The following FANCI variants were observed in gnomAD, a reference collection of about 807,000 sequenced individuals.
FANCI encodes the protein Fanconi anemia group I protein.
Under a neutral mutation model 176.1 loss-of-function variants are expected in FANCI, and 156 were observed. The observed-to-expected ratio is 0.89, with a 90% CI of 0.78 to 1.01. The LOEUF is 1.01. Among genes scored for constraint, FANCI ranks in the 50% least tolerant of loss-of-function variants. FANCI has a pLI of 0.00. For missense variants in FANCI, 1,678 were observed against 1,534.1 expected (o/e 1.09, Z -1.57); for synonymous variants, 613 against 541.7 (o/e 1.13, Z -1.83).
At chr15:89,277,611 CAAAAAAAAAAA>C (rs554395033) in intron 13 of FANCI, among the ~76,000 whole-genome samples, 1 of 48,950 alleles carries the variant, frequency 2.0e-5, no homozygotes, top group Non-Finnish European at 5.3e-5. Context: ...GATCCTATCT[CAAAAAAAAAAA>C]AAAAAAAAAA....
At chr15:89,304,018 A>G (rs1339928121) in intron 28 of FANCI, 103 bp downstream of exon 28, 1 of 1,106,258 alleles carries the variant, frequency 9.0e-7, no homozygotes. Context: ...CACATTCACC[A>G]GAGTGGCCAA....
At position 89,316,934 on chromosome 15, in the gene FANCI, T is replaced by C. The variant is rs2055287817; in HGVS notation, c.*475T>C. 1 of 818,848 alleles carries C rather than the reference T, an allele frequency of 1.2e-6. No homozygotes were observed. 50.7% of individuals were successfully genotyped at this position (818,848 alleles called of 1,614,324 possible). On this transcript the variant is annotated 3_prime_UTR_variant, in exon 38 of 38. Coordinates refer to ENST00000310775, the MANE Select transcript of FANCI (RefSeq NM_001113378.2). The stretch of plus-strand genomic sequence containing the variant: ...CTAAGGTCAAAAGGAGAGTGAAAGG[T>C]TGAGAACAATTGCCACGAACGGTAA...
At chr15:89,253,375 A>G (rs1471061755) in intron 2 of FANCI, among the ~76,000 whole-genome samples, 1 of 152,066 alleles carries the variant, frequency 6.6e-6, no homozygotes, top group Non-Finnish European at 1.5e-5. Flanking sequence ...AGGGCTGGGC[A>G]CAGGGGCTTA....
chr15:89,263,600 C>A, intron 7 of FANCI, 140 bp downstream of exon 7: 1 of 847,140 alleles, frequency 1.2e-6, no homozygotes. Context: ...TACAGATTCA[C>A]AGATTCCCTC....
intron 14 of FANCI, among the ~76,000 whole-genome samples, chr15:89,280,169 G>A (rs868341882): frequency 1.8e-4 from 27 of 152,206 alleles, no homozygotes; most frequent in African/African-American, 6.0e-4. Context: ...CTGCAGGCAC[G>A]TGCCACCACA....
At chr15:89,280,525 G>T (rs912583638) in intron 14 of FANCI, among the ~76,000 whole-genome samples, 1 of 151,838 alleles carries the variant, frequency 6.6e-6, no homozygotes, top group African/African-American at 2.4e-5. Context: ...GGCCTTTCTG[G>T]TGCTTTGTGC....
Position 89,244,949 on chromosome 15 carries a change from C to T in FANCI, c.-20+916C>T, listed in dbSNP as rs117181991. ...ACAAACATTTGTTACCTAGTTTGAG[C>T]TAGGTACTGTGCTAAGTGCTGGAGA... On this transcript the variant is annotated intron_variant, in intron 1 of 37. Coordinates refer to ENST00000310775, the MANE Select transcript of FANCI (RefSeq NM_001113378.2). Among the ~76,000 whole-genome samples, 68 of 152,274 alleles carry T rather than the reference C, an allele frequency of 4.5e-4. 1 individual carries two copies. In the East Asian group the frequency reaches 0.012, roughly 28 times the overall value.
At chr15:89,258,934 G>A (rs987458283) in intron 3 of FANCI, 158 bp downstream of exon 3, 1 of 639,062 alleles carries the variant, frequency 1.6e-6, no homozygotes, top group Non-Finnish European at 2.8e-6. Flanking sequence ...CTGTCTAGTG[G>A]ACTTAAGTAA....
At chr15:89,287,060 G>A (rs1165236804) in intron 18 of FANCI, among the ~76,000 whole-genome samples, 3 of 134,258 alleles carry the variant, frequency 2.2e-5, no homozygotes, top group African/African-American at 5.5e-5. Flanking sequence ...TGCAACCTCC[G>A]CCACCCAGGT....
In FANCI at chr15:89,315,162, G is replaced by A. The variant is rs554839450; in HGVS notation, c.3817-120G>A. 9 of 764,858 alleles carry A rather than the reference G, an allele frequency of 1.2e-5. No homozygotes were observed. In the Admixed American group the frequency reaches 1.3e-4, roughly 11 times the overall value. 47.4% of individuals were successfully genotyped at this position (764,858 alleles called of 1,614,324 possible). On this transcript the variant is annotated intron_variant, in intron 36 of 37. Transcript: ENST00000310775. ...AACCCCAGCATACAGAAGGAAGTGGGTGCGTGCTTGCTTTAGGTAGAAATG... is the reference window on the plus strand; with the variant it reads ...AACCCCAGCATACAGAAGGAAGTGGATGCGTGCTTGCTTTAGGTAGAAATG...
chr15:89,305,591 C>G lies in FANCI; in HGVS notation c.3256-14C>G. 1 of 1,613,850 alleles carries G rather than the reference C, an allele frequency of 6.2e-7. No individual in the cohort carries two copies. Among genetic ancestry groups the G allele is most frequent in the Non-Finnish European group, 8.5e-7 (1 of 1,179,720 alleles). ...TGTGTGTAGTGAATCACACCAGGCA[C>G]TCTTTTCTTTCAGTTACTTGTTCTG... On this transcript the variant is annotated splice_polypyrimidine_tract_variant and intron_variant, in intron 30 of 37. Transcript: ENST00000310775.
intron 34 of FANCI, among the ~76,000 whole-genome samples, chr15:89,312,124 G>A (rs867956767): frequency 2.0e-5 from 3 of 152,120 alleles, no homozygotes; most frequent in African/African-American, 4.8e-5. Context: ...GCTGAGTAAC[G>A]AAAATAAAAT....
rs1217172250 is a variant in FANCI at position 89,298,908 on chromosome 15, A to G, written c.2637-892A>G. ...AACCTGGCCGGGCGTGGTAGCTCAC[A>G]TCTGTAATCCCAGCACTTTTGGGAG... On this transcript the variant is annotated intron_variant, in intron 24 of 37. Transcript: ENST00000310775. Among the ~76,000 whole-genome samples, 4 of 152,176 alleles carry G rather than the reference A, an allele frequency of 2.6e-5. No homozygotes were observed. In the East Asian group the frequency reaches 7.7e-4, roughly 29 times the overall value.
chr15:89,285,018 A>G, intron 17 of FANCI, 78 bp from the exon 18 acceptor site: 1 of 1,603,500 alleles, frequency 6.2e-7, no homozygotes, highest in Non-Finnish European at 8.5e-7. Context: ...TTTTTCGACC[A>G]AGAACATAGG....
rs1183239990 is a variant in FANCI, at chr15:89,278,767, T to C, written c.1374T>C (p.His458=). ...CCAGAGCATCTTCTCCCATCAGTCA[T>C]TTCTTAGGTATTCAACTTTGAAAGA... ...VVTRASSPIS[H]FLDLLSNIVM... is the part of the protein sequence containing the mutation. The change falls in exon 14 of 38, where the codon CAT becomes CAC. Residue 458 remains histidine, a synonymous_variant. Transcript: ENST00000310775. The C allele has an allele frequency of 6.2e-7, 1 of 1,611,944 alleles. No individual in the cohort carries two copies. Among genetic ancestry groups the C allele is most frequent in the East Asian group, 2.2e-5 (1 of 44,838 alleles).
At chr15:89,268,119 C>T (rs556217014) in intron 9 of FANCI, among the ~76,000 whole-genome samples, 1 of 152,112 alleles carries the variant, frequency 6.6e-6, no homozygotes, top group Non-Finnish European at 1.5e-5. Flanking sequence ...GTTGTTGAGA[C>T]AGGGTCTCTC....
At chr15:89,296,415 G>GT (rs552630792) in intron 24 of FANCI, among the ~76,000 whole-genome samples, 5 of 109,396 alleles carry the variant, frequency 4.6e-5, no homozygotes, top group Non-Finnish European at 5.6e-5. Flanking sequence ...TTGTTTTTTC[G>GT]TTTTTTTTGT....
chr15:89,248,125 G>A (rs929449069), intron 2 of FANCI, among the ~76,000 whole-genome samples: 3 of 152,128 alleles, frequency 2.0e-5, no homozygotes, highest in Non-Finnish European at 4.4e-5. Flanking sequence ...AAGAAATTAA[G>A]TTTATAAGCG....
Position 89,268,509 on chromosome 15 carries a change from T to C in FANCI, c.866T>C (p.Leu289Pro), listed in dbSNP as rs1210148997. Reference protein sequence around the residue: ...IKLDYELGRELVKHLKVGQQG... With the variant: ...IKLDYELGREPVKHLKVGQQG... ...TTGGACTATGAACTAGGCAGAGAAC[T>C]CGTGAAACACTTAAAGGTAGCATCA... The change falls in exon 10 of 38, where the codon CTC becomes CCC. Residue 289 changes from leucine to proline, a missense_variant. Leu to Pro is a moderately conservative substitution (Grantham distance 98). Transcript: ENST00000310775. 1.2e-6 allele frequency: 2 copies of C among 1,614,192 alleles called. No homozygotes were observed. Among genetic ancestry groups the C allele is most frequent in the Admixed American group, 3.3e-5 (2 of 60,016 alleles).
Sources: gnomAD v4.1 joint callset for allele counts (sites outside exome capture counted in the v4.1 genomes callset) on GRCh38, gnomAD v4.1.1 for gene constraint, MANE v1.5 for transcripts, NCBI Gene and HGNC (gene_info 2026-07-23, HGNC 2026-07-21) for gene names.